Variants in SEMA3A observed in about 807,000 individuals in gnomAD.
SEMA3A encodes semaphorin 3A.
Under a neutral mutation model 97.9 loss-of-function variants are expected in SEMA3A, and 29 were observed. The observed-to-expected ratio is 0.30, with a 90% CI of 0.22 to 0.40. The LOEUF (loss-of-function observed/expected upper bound fraction) is 0.40. SEMA3A is among the 10% of genes least tolerant of loss of function. SEMA3A has a pLI of 1.00. For synonymous variants in SEMA3A, 321 were observed against 323.7 expected (o/e 0.99, Z 0.09); for missense variants, 763 against 951.3 (o/e 0.80, Z 2.60).
At chr7:84,476,384 A>G (rs547602270) in intron 1 of SEMA3A, among the ~76,000 whole-genome samples, 1 of 151,494 alleles carries the variant, frequency 6.6e-6, no homozygotes, top group African/African-American at 2.4e-5. Context: ...AAAAGAAAAA[A>G]TTTTTTTTCA....
At position 84,287,017 on chromosome 7, in the gene SEMA3A, CT is replaced by C. The variant is rs1800606278; in HGVS notation, c.-83+20189del. The stretch of plus-strand genomic sequence containing the variant: ...AACATGCACACAGAACAAGGAATTA[CT>C]TTATGTGTTTGACTCACTATGCTTC... On this transcript the variant is annotated intron_variant, in intron 3 of 3. Transcript: ENST00000424555. Among the ~76,000 whole-genome samples the C allele has an allele frequency of 2.0e-5, 3 of 152,040 alleles. No individual in the cohort carries two copies. The East Asian group carries it at 5.8e-4, about 29-fold the overall frequency.
chr7:84,461,268 A>T (rs1805832453), intron 1 of SEMA3A, among the ~76,000 whole-genome samples: 1 of 152,154 alleles, frequency 6.6e-6, no homozygotes, highest in African/African-American at 2.4e-5. Flanking sequence ...TTACATCCTT[A>T]ATTCAAACAG....
At chr7:84,101,606 T>A (rs1228243208) in intron 4 of SEMA3A, among the ~76,000 whole-genome samples, 1 of 152,148 alleles carries the variant, frequency 6.6e-6, no homozygotes, top group Non-Finnish European at 1.5e-5. Context: ...TTCATTCAGT[T>A]TTGGTGACAA....
intron 1 of SEMA3A, among the ~76,000 whole-genome samples, chr7:84,185,420 CCAGCA>C (rs1404649872): frequency 6.6e-6 from 1 of 151,636 alleles, no homozygotes; most frequent in Non-Finnish European, 1.5e-5. Context: ...GCCTGTAATC[CCAGCA>C]CTTTGGGAGG....
At chr7:84,335,113 T>C (rs1298214976) in intron 2 of SEMA3A, among the ~76,000 whole-genome samples, 1 of 152,174 alleles carries the variant, frequency 6.6e-6, no homozygotes, top group Non-Finnish European at 1.5e-5. Context: ...GAATCTATTC[T>C]GTAAGATAGG....
chr7:84,356,949 G>T (rs1016549712), intron 2 of SEMA3A, among the ~76,000 whole-genome samples: 1 of 151,446 alleles, frequency 6.6e-6, no homozygotes, highest in Admixed American at 6.6e-5. Context: ...CCACTTATAC[G>T]TGATGTGCTG....
intron 2 of SEMA3A, among the ~76,000 whole-genome samples, chr7:84,354,448 C>T (rs944227187): frequency 1.3e-5 from 2 of 151,402 alleles, no homozygotes; most frequent in Non-Finnish European, 3.0e-5. Flanking sequence ...TTTTACTTCC[C>T]CTTCCATTTC....
chr7:84,114,495 G>A (rs1188094189), intron 3 of SEMA3A, among the ~76,000 whole-genome samples: 2 of 152,098 alleles, frequency 1.3e-5, no homozygotes, highest in Admixed American at 6.5e-5. Flanking sequence ...AGTTTGTGTA[G>A]AAATATTTTG....
intron 1 of SEMA3A, among the ~76,000 whole-genome samples, chr7:84,473,278 T>C (rs1806200249): frequency 6.6e-6 from 1 of 151,330 alleles, no homozygotes; most frequent in African/African-American, 2.4e-5. Flanking sequence ...TCTATAACTA[T>C]AACTTTAAAA....
chr7:84,207,831 TAAAG>T (rs890522379), intron 3 of SEMA3A, among the ~76,000 whole-genome samples: 3 of 152,040 alleles, frequency 2.0e-5, no homozygotes. Flanking sequence ...TGAGCTGCAA[TAAAG>T]AAAGACTGCT....
intron 1 of SEMA3A, among the ~76,000 whole-genome samples, chr7:84,418,829 T>G (rs1435602551): frequency 6.6e-6 from 1 of 151,986 alleles, no homozygotes; most frequent in Non-Finnish European, 1.5e-5. Flanking sequence ...AATTTGAAGA[T>G]GGACTATCCT....
At chr7:84,055,191 A>G (rs367674311) in intron 5 of SEMA3A, among the ~76,000 whole-genome samples, 188 of 152,278 alleles carry the variant, frequency 1.2e-3, no homozygotes, top group South Asian at 3.5e-3. Context: ...GGTGGAGCCT[A>G]CAGAGGCAGG....
At chr7:84,253,915 T>C (rs1334412189) in intron 3 of SEMA3A, among the ~76,000 whole-genome samples, 1 of 152,198 alleles carries the variant, frequency 6.6e-6, no homozygotes, top group East Asian at 1.9e-4. Context: ...CTAGTACAAA[T>C]GATCCCAAAT....
chr7:83,994,620 G>C (rs1446822245), intron 12 of SEMA3A, among the ~76,000 whole-genome samples: 3 of 143,600 alleles, frequency 2.1e-5, no homozygotes, highest in East Asian at 2.3e-4. Flanking sequence ...CTCCCAGTTA[G>C]GCTGCTCCGG....
chr7:84,258,110 G>T (rs2115646046), intron 3 of SEMA3A, among the ~76,000 whole-genome samples: 1 of 152,244 alleles, frequency 6.6e-6, no homozygotes, highest in East Asian at 1.9e-4. Flanking sequence ...TAGCAACACT[G>T]CCTCACACAG....
chr7:84,467,277 C>A (rs1289581523), intron 1 of SEMA3A, among the ~76,000 whole-genome samples: 1 of 152,062 alleles, frequency 6.6e-6, no homozygotes, highest in Non-Finnish European at 1.5e-5. Flanking sequence ...AATCCCAGCA[C>A]TTTGGAAGGC....
chr7:84,357,098 ATTTC>A (rs1326945223), intron 2 of SEMA3A, among the ~76,000 whole-genome samples: 7 of 134,770 alleles, frequency 5.2e-5, no homozygotes, highest in African/African-American at 2.0e-4. Flanking sequence ...TGATAAACTA[ATTTC>A]TTTTTTTTTC....
intron 1 of SEMA3A, among the ~76,000 whole-genome samples, chr7:84,173,098 G>A (rs981204298): frequency 3.3e-5 from 5 of 152,086 alleles, no homozygotes; most frequent in African/African-American, 7.2e-5. Context: ...AGTAGGAAGC[G>A]ATAACTTTTT....
At chr7:84,069,396 A>G (rs1326376950) in intron 4 of SEMA3A, among the ~76,000 whole-genome samples, 1 of 152,138 alleles carries the variant, frequency 6.6e-6, no homozygotes, top group Admixed American at 6.6e-5. Context: ...CAGATTTATT[A>G]ATTTCCCTTA....
Sources: gnomAD v4.1 joint callset for allele counts (sites outside exome capture counted in the v4.1 genomes callset) on GRCh38, gnomAD v4.1.1 for gene constraint, MANE v1.5 for transcripts, NCBI Gene and HGNC (gene_info 2026-07-23, HGNC 2026-07-21) for gene names.